PCBP2: variants seen among roughly 807,000 people sequenced by gnomAD.
The protein encoded by PCBP2 is poly(rC) binding protein 2.
PCBP2 carries 4 observed loss-of-function variants against 50.1 expected under a neutral mutation model. That is an observed-to-expected ratio of 0.08 (90% CI 0.04 to 0.18). The LOEUF (loss-of-function observed/expected upper bound fraction) is 0.18. Among genes scored for constraint, PCBP2 ranks in the 10% least tolerant of loss-of-function variants. The pLI is 1.00. For missense variants in PCBP2, 161 were observed against 474.3 expected (o/e 0.34, Z 6.14); for synonymous variants, 179 against 168.0 (o/e 1.07, Z -0.51).
chr12:53,462,330 T>A, intron 7 of PCBP2, 163 bp from the exon 8 acceptor site: 2 of 510,410 alleles, frequency 3.9e-6, no homozygotes, highest in Non-Finnish European at 7.1e-6. Flanking sequence ...CAAATAACTT[T>A]CAGTAGATAA....
rs185580497 is a variant in PCBP2, at chr12:53,456,635, A to G, written c.243+634A>G. Reference sequence around the variant, plus strand: ...CGTTATAAACACAAATAATCTTCCAATCCTGATGATTTTAGGTTAAAAAGT... The same window carrying G: ...CGTTATAAACACAAATAATCTTCCAGTCCTGATGATTTTAGGTTAAAAAGT... On this transcript the variant is annotated intron_variant, in intron 5 of 14. Coordinates refer to ENST00000546463, the MANE Select transcript of PCBP2 (RefSeq NM_031989.5). Among the ~76,000 whole-genome samples, 30 of 152,332 alleles carry G rather than the reference A, an allele frequency of 2.0e-4. 1 individual carries two copies. Among genetic ancestry groups the G allele is most frequent in the African/African-American group, 4.6e-4 (19 of 41,572 alleles).
chr12:53,456,083 C>A, intron 5 of PCBP2, 82 bp downstream of exon 5: 1 of 856,380 alleles, frequency 1.2e-6, no homozygotes, highest in Non-Finnish European at 2.0e-6. Context: ...TTTTTAAATT[C>A]AAGGACACAC....
At chr12:53,456,928 A>G (rs1453703654) in intron 5 of PCBP2, among the ~76,000 whole-genome samples, 1 of 137,202 alleles carries the variant, frequency 7.3e-6, no homozygotes, top group East Asian at 4.1e-4. Context: ...CTTTGCCAAG[A>G]TTAGAAATGT....
At chr12:53,472,085 C>T (rs1942283114) in intron 14 of PCBP2, among the ~76,000 whole-genome samples, 1 of 152,010 alleles carries the variant, frequency 6.6e-6, no homozygotes, top group African/African-American at 2.4e-5. Flanking sequence ...CAGTAAGAGT[C>T]CTCTGGCTAG....
chr12:53,460,279 A>G lies in PCBP2; in HGVS notation c.376-736A>G, dbSNP rs960403283. On this transcript the variant is annotated intron_variant, in intron 6 of 14. Coordinates refer to ENST00000546463, the MANE Select transcript of PCBP2 (RefSeq NM_031989.5). ...TCAAGCCTCCTGAGTACCTGGTACCATAGGCGCGCTCCACAATGCCCGGCT... is the reference window on the plus strand; with the variant it reads ...TCAAGCCTCCTGAGTACCTGGTACCGTAGGCGCGCTCCACAATGCCCGGCT... The G allele has an allele frequency of 3.6e-5, 10 of 280,144 alleles. No individual in the cohort carries two copies. The East Asian group carries it at 9.2e-4, about 26-fold the overall frequency. The allele number at this position is 280,144 out of a possible 1,614,324, so 17.4% of individuals were successfully genotyped here. A position where few individuals can be genotyped will look rare whatever the true frequency, so the allele number is the denominator to read the frequency against.
At chr12:53,471,904 T>C in intron 14 of PCBP2, 97 bp downstream of exon 14, 1 of 969,978 alleles carries the variant, frequency 1.0e-6, no homozygotes. Flanking sequence ...ACATGGGCGA[T>C]GGGTAAAGAT....
intron 14 of PCBP2, among the ~76,000 whole-genome samples, chr12:53,472,558 A>G (rs1942313549): frequency 6.6e-6 from 1 of 152,208 alleles, no homozygotes; most frequent in Admixed American, 6.5e-5. Context: ...TTGCTTACTA[A>G]TATTTCAAAG....
chr12:53,468,327 T>C, intron 12 of PCBP2: 1 of 204,322 alleles, frequency 4.9e-6, no homozygotes, highest in Non-Finnish European at 9.9e-6. Flanking sequence ...TACAGGTATA[T>C]TTAAAGCAAC....
intron 5 of PCBP2, 38 bp from the exon 6 acceptor site, chr12:53,459,234 C>G: frequency 6.5e-7 from 1 of 1,537,636 alleles, no homozygotes; most frequent in Non-Finnish European, 8.8e-7. Context: ...TACTAGTTTC[C>G]AGGGATCTGC....
chr12:53,474,910 C>G (rs1283391875), intron 14 of PCBP2: 2 of 442,928 alleles, frequency 4.5e-6, no homozygotes, highest in South Asian at 1.6e-5. Flanking sequence ...GCCTCCGTCA[C>G]GATCCCTGAT....
chr12:53,452,650 G>A lies in PCBP2; in HGVS notation c.-76+274G>A, dbSNP rs1027349566. On this transcript the variant is annotated intron_variant, in intron 1 of 14. Coordinates refer to ENST00000546463, the MANE Select transcript of PCBP2 (RefSeq NM_031989.5). ...GGGAGGGCGCGCGCGCGGTAGGGGGGGCGGCGGTGGATTTGTTGGTTGTGG... is the reference window on the plus strand; with the variant it reads ...GGGAGGGCGCGCGCGCGGTAGGGGGAGCGGCGGTGGATTTGTTGGTTGTGG... Among the ~76,000 whole-genome samples, 15 of 151,898 alleles carry A rather than the reference G, an allele frequency of 9.9e-5. 1 individual carries two copies. The highest frequency in any genetic ancestry group is 8.5e-4 in the Admixed American group (13 of 15,294).
chr12:53,462,895 C>T (rs189723509), intron 8 of PCBP2, among the ~76,000 whole-genome samples: 12 of 152,164 alleles, frequency 7.9e-5, no homozygotes, highest in Admixed American at 1.3e-4. Flanking sequence ...ATTTAGAGGT[C>T]TAAATAAAAG....
intron 10 of PCBP2, among the ~76,000 whole-genome samples, chr12:53,466,641 G>C (rs921825204): frequency 2.0e-5 from 3 of 152,180 alleles, no homozygotes; most frequent in African/African-American, 7.2e-5. Flanking sequence ...CCCCAGGAGA[G>C]AGGGAAGTAG....
intron 11 of PCBP2, 55 bp downstream of exon 11, chr12:53,467,348 T>TCC: frequency 7.4e-7 from 1 of 1,356,170 alleles, no homozygotes; most frequent in Non-Finnish European, 1.1e-6. Flanking sequence ...GAGAGGCCAG[T>TCC]CCCAAGGTCT....
At position 53,467,820 on chromosome 12, in the gene PCBP2, C is replaced by G. The variant is rs752020177; in HGVS notation, c.803C>G (p.Ser268Cys). The change falls in exon 12 of 15, where the codon TCT becomes TGT. Residue 268 changes from serine to cysteine, a missense_variant. This residue lies in a region of PCBP2 where 51 missense variants were observed against 193.0 expected (regional missense o/e 0.26). Transcript: ENST00000546463. ...NTGFSGIESS[S>C]PEVKGYWAGL... The stretch of plus-strand genomic sequence containing the variant: ...ATCTTAACAGGCATTGAATCCAGCT[C>G]TCCAGAGGTGAAAGGCTATTGGGGT... The G allele has an allele frequency of 1.2e-6, 2 of 1,612,232 alleles. No individual in the cohort carries two copies. Among genetic ancestry groups the G allele is most frequent in the African/African-American group, 2.7e-5 (2 of 74,706 alleles).
At position 53,452,347 on chromosome 12, in the gene PCBP2, C is replaced by T. The variant is rs1009704043; in HGVS notation, c.-105C>T. ...GCCCTTCCCCTTCCCGCCCGCTCCC[C>T]TTTTCCCCTCAGTCGCCTCGCGCCT... On this transcript the variant is annotated 5_prime_UTR_variant, in exon 1 of 15. Coordinates refer to ENST00000546463, the MANE Select transcript of PCBP2 (RefSeq NM_031989.5). The T allele has an allele frequency of 6.1e-5, 9 of 147,466 alleles. No individual in the cohort carries two copies. Among genetic ancestry groups the T allele is most frequent in the African/African-American group, 2.0e-4 (8 of 39,712 alleles). 9.1% of individuals were successfully genotyped at this position (147,466 alleles called of 1,614,324 possible).
intron 7 of PCBP2, among the ~76,000 whole-genome samples, chr12:53,462,173 A>G (rs2137051508): frequency 6.6e-6 from 1 of 152,354 alleles, no homozygotes; most frequent in African/African-American, 2.4e-5. Context: ...ACTAAAAATT[A>G]TCAACAAAAA....
At position 53,468,849 on chromosome 12, in the gene PCBP2, T is replaced by G. The variant is rs777546395; in HGVS notation, c.882+17T>G. The G allele has an allele frequency of 1.3e-6, 2 of 1,590,544 alleles. No homozygotes were observed. The highest frequency in any genetic ancestry group is 1.7e-6 in the Non-Finnish European group (2 of 1,158,760). ...CCAAACGATGTAAGTGTAGTTAGGT[T>G]GCATGGGATGAAAATAAGAAAATAG... On this transcript the variant is annotated intron_variant, in intron 13 of 14. Transcript: ENST00000546463.
intron 14 of PCBP2, among the ~76,000 whole-genome samples, chr12:53,476,515 CCT>C (rs1018204925): frequency 6.6e-6 from 1 of 152,146 alleles, no homozygotes; most frequent in African/African-American, 2.4e-5. Context: ...TGGTATAAGG[CCT>C]CTGATAGCCT....
Sources: gnomAD v4.1 joint callset for allele counts (sites outside exome capture counted in the v4.1 genomes callset) on GRCh38, gnomAD v4.1.1 for gene constraint, gnomAD v4.1.1 regional missense constraint, MANE v1.5 for transcripts, NCBI Gene and HGNC (gene_info 2026-07-23, HGNC 2026-07-21) for gene names.